The following SHROOM4 variants were observed in gnomAD, a reference collection of about 807,000 sequenced individuals.
SHROOM4 encodes protein Shroom4.
A neutral mutation model predicts 80.3 loss-of-function variants in SHROOM4; 17 were observed. The ratio of observed to expected loss-of-function variants is 0.21; its 90% confidence interval spans 0.14 to 0.32. The LOEUF (loss-of-function observed/expected upper bound fraction) is 0.32, where lower values mean the gene tolerates loss of function less well. Ranked by LOEUF, SHROOM4 falls within the 10% of genes least tolerant of loss-of-function variation. The pLI, the probability that SHROOM4 is intolerant of heterozygous loss-of-function variation, is 1.00. For synonymous variants in SHROOM4, 400 were observed against 437.5 expected, an observed-to-expected ratio of 0.91 and a Z score of 1.07; for missense variants, 993 against 1,140.3, an observed-to-expected ratio of 0.87 and a Z score of 1.86.
At chrX:50,810,902 A>G (rs1212995104) in intron 1 of SHROOM4, among the ~76,000 whole-genome samples, 1 of 112,168 alleles carries the variant, frequency 8.9e-6, no homozygotes, top group African/African-American at 3.2e-5. Flanking sequence ...AGAGTAATGA[A>G]ATAAAGGATG....
intron 1 of SHROOM4, among the ~76,000 whole-genome samples, chrX:50,765,602 G>A (rs190205510): frequency 4.9e-4 from 55 of 111,844 alleles, no homozygotes; most frequent in African/African-American, 1.8e-3. Flanking sequence ...CACAAACTTT[G>A]CCAATTATAG....
chrX:50,743,049 G>T (rs1406039157), intron 1 of SHROOM4, among the ~76,000 whole-genome samples: 8 of 109,490 alleles, frequency 7.3e-5, no homozygotes, highest in African/African-American at 1.3e-4. Context: ...TTCCAGCTTT[G>T]GCCATTGGGA....
chrX:50,673,031 A>G lies in SHROOM4; in HGVS notation c.269+22755T>C, dbSNP rs186734539. ...CCACTGGTGGACCTATTTTAAAAGT[A>G]CGGCTAAAGGAAGTTCTGTAAATGG... On this transcript the variant is annotated intron_variant, in intron 2 of 8. Transcript: ENST00000376020. 3.6e-5 allele frequency among the ~76,000 whole-genome samples: 4 copies of G among 111,838 alleles called. No homozygotes were observed. In the Admixed American group the frequency reaches 3.8e-4, roughly 11 times the overall value.
chrX:50,692,376 G>C (rs1370776262), intron 2 of SHROOM4, among the ~76,000 whole-genome samples: 1 of 111,774 alleles, frequency 8.9e-6, no homozygotes, highest in Non-Finnish European at 1.9e-5. Context: ...CCACCATTCT[G>C]ATGCTCTCCC....
At chrX:50,800,817 A>AGGGAGGAGG (rs1309197607) in intron 1 of SHROOM4, among the ~76,000 whole-genome samples, 6 of 110,381 alleles carry the variant, frequency 5.4e-5, no homozygotes, top group African/African-American at 2.0e-4. Context: ...ATTTTAAGGG[A>AGGGAGGAGG]GGGAGGAGGG....
chrX:50,591,750 C>G lies in SHROOM4; in HGVS notation c.*4945G>C. ...TCTTTCTTTTTGAGACAAAGTCTCA[C>G]TCTGTTGCCCAGGATGGAGTGCAGT... On this transcript the variant is annotated 3_prime_UTR_variant, in exon 9 of 9. Transcript: ENST00000376020. 6.7e-6 allele frequency: 2 copies of G among 298,762 alleles called. No homozygotes were observed. Among genetic ancestry groups the G allele is most frequent in the Non-Finnish European group, 1.2e-5 (2 of 160,240 alleles). The allele number at this position is 298,762 out of a possible 1,213,427, so 24.6% of individuals were successfully genotyped here.
intron 4 of SHROOM4, among the ~76,000 whole-genome samples, chrX:50,629,630 T>C (rs1930960166): frequency 8.9e-6 from 1 of 111,957 alleles, no homozygotes; most frequent in Non-Finnish European, 1.9e-5. Flanking sequence ...TCTCTGAGCC[T>C]TGGCTTTCTC....
chrX:50,596,527 T>C lies in SHROOM4; in HGVS notation c.*168A>G. 2.9e-6 allele frequency: 2 copies of C among 684,896 alleles called. No homozygotes were observed. The highest frequency in any genetic ancestry group is 4.5e-6 in the Non-Finnish European group (2 of 443,971). 56.4% of individuals were successfully genotyped at this position (684,896 alleles called of 1,213,427 possible). ...AGCTTGTGGCTTCCCCAGGGTCTCC[T>C]AGCTGGTTAGGACCACTGCTAGGGA... On this transcript the variant is annotated 3_prime_UTR_variant, in exon 9 of 9. Coordinates refer to ENST00000376020, the MANE Select transcript of SHROOM4 (RefSeq NM_020717.5).
intron 2 of SHROOM4, among the ~76,000 whole-genome samples, chrX:50,674,539 C>T (rs1477148652): frequency 2.7e-5 from 3 of 111,491 alleles, no homozygotes; most frequent in African/African-American, 9.8e-5. Context: ...AAACAAACCT[C>T]GACCTAAGTC....
At position 50,688,686 on chromosome X, in the gene SHROOM4, A is replaced by C. The variant is rs781795476; in HGVS notation, c.269+7100T>G. On this transcript the variant is annotated intron_variant, in intron 2 of 8. Transcript: ENST00000376020. The stretch of plus-strand genomic sequence containing the variant: ...GCCTAAAATATTTATTTGGCTCTAT[A>C]GAGGAAAAAAAATGACCCTTAGACT... 2.7e-5 allele frequency among the ~76,000 whole-genome samples: 3 copies of C among 111,411 alleles called. No individual in the cohort carries two copies. The South Asian group carries it at 1.1e-3, about 42-fold the overall frequency.
chrX:50,719,540 C>T (rs1350384770), intron 1 of SHROOM4, among the ~76,000 whole-genome samples: 3 of 111,785 alleles, frequency 2.7e-5, no homozygotes, highest in Non-Finnish European at 5.6e-5. Context: ...AATATTTACT[C>T]TCAGTATTAA....
At chrX:50,699,734 C>A (rs1933468855) in intron 1 of SHROOM4, among the ~76,000 whole-genome samples, 1 of 111,897 alleles carries the variant, frequency 8.9e-6, no homozygotes, top group Non-Finnish European at 1.9e-5. Context: ...ATGAAGTACT[C>A]TGATAGCTGT....
intron 1 of SHROOM4, among the ~76,000 whole-genome samples, chrX:50,793,809 C>T (rs1392023417): frequency 9.1e-6 from 1 of 109,518 alleles, no homozygotes; most frequent in East Asian, 2.8e-4. Flanking sequence ...TAAAGCAGGG[C>T]TACCTGGCCT....
chrX:50,653,013 T>C lies in SHROOM4; in HGVS notation c.270-14705A>G, dbSNP rs947161306. ...AGTCAGGTAGCATGATGCCTCCAGC[T>C]TTGTTCTTTTTGCTTAGGATTGTCT... is the stretch of plus-strand genomic sequence containing the variant. On this transcript the variant is annotated intron_variant, in intron 2 of 8. Transcript: ENST00000376020. Among the ~76,000 whole-genome samples, 3 of 111,723 alleles carry C rather than the reference T, an allele frequency of 2.7e-5. No individual in the cohort carries two copies. The East Asian group carries it at 8.4e-4, about 31-fold the overall frequency.
At chrX:50,799,829 C>T (rs1415810036) in intron 1 of SHROOM4, among the ~76,000 whole-genome samples, 1 of 111,966 alleles carries the variant, frequency 8.9e-6, no homozygotes, top group Non-Finnish European at 1.9e-5. Context: ...AGTGGGATGG[C>T]TGTTGTTTTA....
chrX:50,691,995 G>A (rs1933233934), intron 2 of SHROOM4, among the ~76,000 whole-genome samples: 1 of 111,382 alleles, frequency 9.0e-6, no homozygotes, highest in Non-Finnish European at 1.9e-5. Context: ...GAGATGGGGA[G>A]GCTAAAAGGG....
In SHROOM4 at chrX:50,761,699, A is replaced by G. The variant is rs1165014859; in HGVS notation, c.117+52203T>C. ...TGCCTCAACCTCCCGAGTAGCTAGGACTACAGGCCTGCACCACCACGCCTG... is the reference window on the plus strand; with the variant it reads ...TGCCTCAACCTCCCGAGTAGCTAGGGCTACAGGCCTGCACCACCACGCCTG... On this transcript the variant is annotated intron_variant, in intron 1 of 8. Coordinates refer to ENST00000376020, the MANE Select transcript of SHROOM4 (RefSeq NM_020717.5). Among the ~76,000 whole-genome samples the G allele has an allele frequency of 3.6e-5, 4 of 111,136 alleles. No individual in the cohort carries two copies. In the East Asian group the frequency reaches 1.1e-3, roughly 32 times the overall value.
At chrX:50,766,160 G>A (rs1010586321) in intron 1 of SHROOM4, among the ~76,000 whole-genome samples, 9 of 111,421 alleles carry the variant, frequency 8.1e-5, no homozygotes, top group Admixed American at 5.7e-4. Flanking sequence ...CCACCTTGGC[G>A]CTTTTCCTGG....
chrX:50,707,585 C>T (rs782782577), intron 1 of SHROOM4, among the ~76,000 whole-genome samples: 1 of 111,158 alleles, frequency 9.0e-6, no homozygotes, highest in Non-Finnish European at 1.9e-5. Context: ...TGGCTCAGGG[C>T]CAAGGCAGCT....
Sources: allele counts gnomAD v4.1 joint callset (sites outside exome capture counted in the v4.1 genomes callset), GRCh38; gene constraint gnomAD v4.1.1; transcripts MANE v1.5; gene names NCBI Gene and HGNC (gene_info 2026-07-23, HGNC 2026-07-21).